The following NR2F1 variants were observed in gnomAD, a reference collection of about 807,000 sequenced individuals.
NR2F1 encodes COUP transcription factor 1.
In NR2F1, 1 loss-of-function variant was observed where a neutral mutation model predicts 37.7. That is an observed-to-expected ratio of 0.03 (90% CI 0.01 to 0.13). The LOEUF (loss-of-function observed/expected upper bound fraction) is 0.13, where lower values mean the gene tolerates loss of function less well. Among genes scored for constraint, NR2F1 ranks in the 10% least tolerant of loss-of-function variants. The pLI, the probability that NR2F1 is intolerant of heterozygous loss-of-function variation, is 1.00. For missense variants in NR2F1, 268 were observed against 578.4 expected (o/e 0.46, Z 5.50); for synonymous variants, 275 against 259.6 (o/e 1.06, Z -0.57).
intron 1 of NR2F1, chr5:93,586,975 A>G (rs1255118799): frequency 1.3e-5 from 2 of 152,010 alleles, no homozygotes; most frequent in South Asian, 2.1e-4. Context: ...AACTTTTCCT[A>G]AAGTTGTCTT....
rs1753201665 is a variant in NR2F1, at chr5:93,584,945, C to T, written c.-79C>T. ...CCCCTCCCCCCTTCCCCTTCCCCTT[C>T]CCCTCCCAGCGCGCCCGCGCGCCCC... On this transcript the variant is annotated 5_prime_UTR_variant, in exon 1 of 3. Coordinates refer to ENST00000327111, the MANE Select transcript of NR2F1 (RefSeq NM_005654.6). 8.0e-6 allele frequency: 2 copies of T among 249,812 alleles called. No individual in the cohort carries two copies. Among genetic ancestry groups the T allele is most frequent in the African/African-American group, 2.4e-5 (1 of 41,322 alleles). The allele number at this position is 249,812 out of a possible 1,614,324, so 15.5% of individuals were successfully genotyped here.
intron 2 of NR2F1, among the ~76,000 whole-genome samples, chr5:93,590,256 T>C (rs1308301956): frequency 6.6e-6 from 1 of 152,178 alleles, no homozygotes; most frequent in Non-Finnish European, 1.5e-5. Flanking sequence ...GACTTGGAAC[T>C]GGACAGACGT....
In NR2F1 at chr5:93,585,244, C is replaced by T. The variant is rs771412554; in HGVS notation, c.221C>T (p.Pro74Leu). 1.3e-6 allele frequency: 2 copies of T among 1,563,000 alleles called. No individual in the cohort carries two copies. The highest frequency in any genetic ancestry group is 1.7e-6 in the Non-Finnish European group (2 of 1,154,296). Residue 74 changes from proline to leucine, a missense_variant, in exon 1 of 3, where the codon CCG (proline) becomes CTG (leucine). Transcript: ENST00000327111. Reference protein sequence around the residue: ...PGTAGDKGQGPPGSGQSQQHI... With the variant: ...PGTAGDKGQGLPGSGQSQQHI... The stretch of plus-strand genomic sequence containing the variant: ...ACGGCGGGGGACAAGGGCCAGGGCC[C>T]GCCCGGTTCGGGCCAGAGCCAGCAG...
chr5:93,592,561 GCA>G (rs1416068625), intron 2 of NR2F1, among the ~76,000 whole-genome samples: 1 of 151,876 alleles, frequency 6.6e-6, no homozygotes, highest in African/African-American at 2.4e-5. Context: ...CATGAACTAA[GCA>G]CACAGATTTT....
At chr5:93,589,919 A>G (rs1409308951) in intron 2 of NR2F1, among the ~76,000 whole-genome samples, 1 of 152,276 alleles carries the variant, frequency 6.6e-6, no homozygotes, top group Non-Finnish European at 1.5e-5. Flanking sequence ...CTTTCAGTGC[A>G]AATGCAGGTC....
At position 93,588,305 on chromosome 5, in the gene NR2F1, C is replaced by G; in HGVS notation, c.852C>G (p.Ala284=). The part of the protein sequence containing the change: ...APLLAAAGLH[A]SPMSADRVVA... ...TGCTGGCCGCCGCCGGCCTGCATGC[C>G]TCGCCCATGTCTGCCGACCGCGTCG... The change falls in exon 2 of 3, where the codon GCC becomes GCG. Residue 284 remains alanine (A), a synonymous_variant. Coordinates refer to ENST00000327111, the MANE Select transcript of NR2F1 (RefSeq NM_005654.6). 1 of 1,613,354 alleles carries G rather than the reference C, an allele frequency of 6.2e-7. No individual in the cohort carries two copies. The highest frequency in any genetic ancestry group is 1.1e-5 in the South Asian group (1 of 91,078).
At chr5:93,587,318 C>T (rs1028011973) in intron 1 of NR2F1, 2 of 151,936 alleles carry the variant, frequency 1.3e-5, no homozygotes, top group South Asian at 4.2e-4. Flanking sequence ...TATGGGGCGA[C>T]GGGGAGGAGG....
rs1450520046 is a variant in NR2F1, at chr5:93,593,523, C to T, written c.992-39C>T. On this transcript the variant is annotated intron_variant, in intron 2 of 2. Coordinates refer to ENST00000327111, the MANE Select transcript of NR2F1 (RefSeq NM_005654.6). This position sits in a 1 kb window ranked among gnomAD's most constrained non-coding sequence, Gnocchi z 5.6. ...CTATTTGTCAGCCTAACCGTGTGCT[C>T]CCTTTCCCTGTCTCTCCCTCCTGTG... 3.1e-6 allele frequency: 5 copies of T among 1,595,738 alleles called. No homozygotes were observed. In the East Asian group the frequency reaches 6.7e-5, roughly 22 times the overall value.
intron 2 of NR2F1, among the ~76,000 whole-genome samples, chr5:93,590,607 C>G (rs1052901547): frequency 3.3e-5 from 5 of 152,200 alleles, no homozygotes; most frequent in Admixed American, 6.5e-5. Context: ...TCACCTCCCC[C>G]CTCCCATGCA....
rs899464917 is a variant in NR2F1, at chr5:93,583,931, G to A, written c.-1093G>A. 1 of 152,246 alleles carries A rather than the reference G, an allele frequency of 6.6e-6. No homozygotes were observed. The highest frequency in any genetic ancestry group is 2.4e-5 in the African/African-American group (1 of 41,336). 9.4% of individuals were successfully genotyped at this position (152,246 alleles called of 1,614,324 possible). A position where few individuals can be genotyped will look rare whatever the true frequency, so the allele number is the denominator to read the frequency against. ...TCACCTCCCGAAAGAAGAAGGCAGC[G>A]AGAGCCCGGCGCCACCGGCACAACA... On this transcript the variant is annotated 5_prime_UTR_variant, in exon 1 of 3. Transcript: ENST00000327111.
Position 93,588,188 on chromosome 5 carries a change from C to T in NR2F1, c.735C>T (p.Ile245=). 1 of 1,614,124 alleles carries T rather than the reference C, an allele frequency of 6.2e-7. No individual in the cohort carries two copies. The highest frequency in any genetic ancestry group is 1.1e-5 in the South Asian group (1 of 91,092). ...TCCCCTTCTTCCCGGATCTGCAGATCACCGACCAGGTGTCCCTGCTACGCC... is the reference window on the plus strand; with the variant it reads ...TCCCCTTCTTCCCGGATCTGCAGATTACCGACCAGGTGTCCCTGCTACGCC... ...RNIPFFPDLQ[I]TDQVSLLRLT... is the part of the protein sequence containing the mutation. Residue 245 remains isoleucine, a synonymous_variant, in exon 2 of 3, where the codon ATC becomes ATT. Transcript: ENST00000327111.
rs1580363410 is a variant in NR2F1, at chr5:93,593,599, C to T, written c.1029C>T (p.Ser343=). Residue 343 remains serine (S), a synonymous_variant, in exon 3 of 3, where the codon AGC becomes AGT. Coordinates refer to ENST00000327111, the MANE Select transcript of NR2F1 (RefSeq NM_005654.6). The surrounding 1 kb of genome is among the most constrained non-coding windows in gnomAD (Gnocchi z 5.6). ...TGTCGGATGCGGCCCACATCGAGAGCCTGCAGGAGAAGTCGCAGTGCGCAC... is the reference window on the plus strand; with the variant it reads ...TGTCGGATGCGGCCCACATCGAGAGTCTGCAGGAGAAGTCGCAGTGCGCAC... ...CGLSDAAHIE[S]LQEKSQCALE... is the part of the protein sequence containing the mutation. The T allele has an allele frequency of 3.7e-6, 6 of 1,613,950 alleles. No individual in the cohort carries two copies. The highest frequency in any genetic ancestry group is 4.2e-6 in the Non-Finnish European group (5 of 1,180,014).
At position 93,585,082 on chromosome 5, in the gene NR2F1, C is replaced by A. The variant is rs1753204907; in HGVS notation, c.59C>A (p.Pro20His). The A allele has an allele frequency of 4.9e-6, 5 of 1,021,604 alleles. No individual in the cohort carries two copies. The highest frequency in any genetic ancestry group is 5.8e-6 in the Non-Finnish European group (5 of 855,896). 63.3% of individuals were successfully genotyped at this position (1,021,604 alleles called of 1,614,324 possible). Residue 20 changes from proline to histidine, a missense_variant, in exon 1 of 3, where the codon CCC becomes CAC. By Grantham distance (77) the Pro-to-His change is moderately conservative. Transcript: ENST00000327111. ...CAGGACGACGTGGCCGGGGGCAACC[C>A]CGGCGGCCCCAACCCCGCAGCGCAG... ...DPQDDVAGGN[P>H]GGPNPAAQAA...
intron 1 of NR2F1, chr5:93,585,694 G>T (rs1753220344): frequency 3.6e-6 from 2 of 561,888 alleles, no homozygotes; most frequent in South Asian, 2.1e-5. Flanking sequence ...CCCGGCCTGC[G>T]CTCATCTCCC....
Position 93,588,512 on chromosome 5 carries a change from C to A in NR2F1, c.991+68C>A. ...AGCGCAGGCCCCGCGCCGCCCGGGCCTGGCCTTCGGAGCCTCCCGCGCGGC... is the reference window on the plus strand; with the variant it reads ...AGCGCAGGCCCCGCGCCGCCCGGGCATGGCCTTCGGAGCCTCCCGCGCGGC... On this transcript the variant is annotated intron_variant, in intron 2 of 2. Coordinates refer to ENST00000327111, the MANE Select transcript of NR2F1 (RefSeq NM_005654.6). 10 of 1,194,396 alleles carry A rather than the reference C, an allele frequency of 8.4e-6. No individual in the cohort carries two copies. In the South Asian group the frequency reaches 3.0e-4, roughly 36 times the overall value. 74.0% of individuals were successfully genotyped at this position (1,194,396 alleles called of 1,614,324 possible).
chr5:93,588,792 C>T (rs318103), intron 2 of NR2F1, among the ~76,000 whole-genome samples: 115,759 of 140,774 alleles, frequency 0.82, 47,292 homozygotes, highest in East Asian at 0.86. Context: ...CGCGCGCGCG[C>T]GTGTGTGTGT....
At chr5:93,591,567 T>C (rs941360109) in intron 2 of NR2F1, among the ~76,000 whole-genome samples, 2 of 152,172 alleles carry the variant, frequency 1.3e-5, no homozygotes, top group East Asian at 3.9e-4. Flanking sequence ...TTTCCTGGGC[T>C]TCTTGTCTCT....
chr5:93,591,024 A>G (rs1753320635), intron 2 of NR2F1, among the ~76,000 whole-genome samples: 1 of 152,256 alleles, frequency 6.6e-6, no homozygotes, highest in African/African-American at 2.4e-5. Context: ...ATTTCTAGTT[A>G]TGGCAGCTGA....
chr5:93,588,790 C>CGTGTGT (rs200226530), intron 2 of NR2F1, among the ~76,000 whole-genome samples: 7 of 148,184 alleles, frequency 4.7e-5, no homozygotes, highest in Admixed American at 2.7e-4. Flanking sequence ...CGCGCGCGCG[C>CGTGTGT]GCGTGTGTGT....
Sources: allele counts gnomAD v4.1 joint callset (sites outside exome capture counted in the v4.1 genomes callset), GRCh38; gene constraint gnomAD v4.1.1; non-coding constraint Gnocchi (gnomAD v3.1); transcripts MANE v1.5; gene names NCBI Gene and HGNC (gene_info 2026-07-23, HGNC 2026-07-21).